The following ENTREP2 variants were observed in gnomAD, a reference collection of about 807,000 sequenced individuals.
ENTREP2 encodes the protein protein ENTREP2.
chr15:29,526,466 T>C, the ENTREP2 span, among the ~76,000 whole-genome samples: 19 of 150,886 alleles, frequency 1.3e-4, no homozygotes, highest in Non-Finnish European at 2.7e-4. Context: ...CTGTACAGAG[T>C]ATTTTCTTTT....
the ENTREP2 span, among the ~76,000 whole-genome samples, chr15:29,393,248 G>C: frequency 6.6e-6 from 1 of 152,200 alleles, no homozygotes; most frequent in Admixed American, 6.5e-5. Context: ...GTGAACTTCT[G>C]TGGAGCCAAG....
At chr15:29,197,626 C>T in the ENTREP2 span, among the ~76,000 whole-genome samples, 4 of 151,918 alleles carry the variant, frequency 2.6e-5, no homozygotes, top group Non-Finnish European at 5.9e-5. Flanking sequence ...ATTAGCTCGG[C>T]GTGGTGCTAT....
chr15:29,129,543 T>G, the ENTREP2 span, among the ~76,000 whole-genome samples: 31 of 152,150 alleles, frequency 2.0e-4, no homozygotes, highest in African/African-American at 7.2e-4. Context: ...AGTCCAGTGG[T>G]GCAATCATAG....
chr15:29,384,715 C>T, the ENTREP2 span, among the ~76,000 whole-genome samples: 4 of 152,132 alleles, frequency 2.6e-5, no homozygotes, highest in Admixed American at 2.6e-4. Context: ...CACCCAACCT[C>T]CGAGACAGCC....
At chr15:29,508,814 C>T in the ENTREP2 span, among the ~76,000 whole-genome samples, 1,103 of 152,178 alleles carry the variant, frequency 7.2e-3, 10 homozygotes, top group African/African-American at 0.023. Context: ...GGGCAAAAGC[C>T]GGAAGCATTC....
At chr15:29,526,804 C>T in the ENTREP2 span, among the ~76,000 whole-genome samples, 32 of 152,136 alleles carry the variant, frequency 2.1e-4, 1 homozygote, top group South Asian at 6.0e-3. Context: ...ACCTTCCCAT[C>T]TTTCCAGTCG....
chr15:29,510,369 T>G, the ENTREP2 span, among the ~76,000 whole-genome samples: 1 of 152,286 alleles, frequency 6.6e-6, no homozygotes, highest in South Asian at 2.1e-4. Flanking sequence ...GAACTAGAAA[T>G]ACTATTTGAA....
the ENTREP2 span, among the ~76,000 whole-genome samples, chr15:29,293,919 C>A: frequency 1.3e-5 from 2 of 152,216 alleles, no homozygotes; most frequent in South Asian, 4.1e-4. Flanking sequence ...GCGCATCCTG[C>A]AGTAACTGTG....
the ENTREP2 span, chr15:29,269,235 G>A: frequency 2.9e-5 from 46 of 1,613,988 alleles, no homozygotes; most frequent in Non-Finnish European, 3.6e-5. Context: ...CAGGCTCCAG[G>A]GTGTTGATGA....
chr15:29,221,901 G>A, the ENTREP2 span, among the ~76,000 whole-genome samples: 4 of 152,092 alleles, frequency 2.6e-5, no homozygotes, highest in Non-Finnish European at 5.9e-5. Flanking sequence ...ATCGACATGA[G>A]GTTCTGTCAA....
the ENTREP2 span, among the ~76,000 whole-genome samples, chr15:29,529,249 GTGT>G: frequency 7.6e-6 from 1 of 131,838 alleles, no homozygotes; most frequent in African/African-American, 2.9e-5. Flanking sequence ...GTGGAGGGGT[GTGT>G]GAGGGTGTGG....
At chr15:29,281,033 G>A in the ENTREP2 span, among the ~76,000 whole-genome samples, 1 of 152,140 alleles carries the variant, frequency 6.6e-6, no homozygotes, top group Non-Finnish European at 1.5e-5. Flanking sequence ...CATTATCCAA[G>A]TGGTTCATAC....
chr15:29,175,464 A>G, the ENTREP2 span, among the ~76,000 whole-genome samples: 2 of 152,220 alleles, frequency 1.3e-5, no homozygotes. Context: ...CTCATGCATG[A>G]ATGCTTAAGG....
chr15:29,505,290 G>C, the ENTREP2 span, among the ~76,000 whole-genome samples: 1 of 152,208 alleles, frequency 6.6e-6, no homozygotes, highest in South Asian at 2.1e-4. This position sits in a 1 kb window ranked among gnomAD's most constrained non-coding sequence, Gnocchi z 4.3. Flanking sequence ...ATCTCCCTTG[G>C]ACAGAGCACC....
chr15:29,497,577 A>G, the ENTREP2 span, among the ~76,000 whole-genome samples: 1 of 152,294 alleles, frequency 6.6e-6, no homozygotes, highest in East Asian at 1.9e-4. Context: ...TTATTGGCAT[A>G]TAAGTGTTTG....
chr15:29,465,553 A>G, the ENTREP2 span, among the ~76,000 whole-genome samples: 933 of 152,294 alleles, frequency 6.1e-3, 11 homozygotes, highest in African/African-American at 0.019. Context: ...AGTAACAGTG[A>G]TGAAAATAAC....
At chr15:29,645,289 A>T in the ENTREP2 span, among the ~76,000 whole-genome samples, 3 of 152,222 alleles carry the variant, frequency 2.0e-5, no homozygotes, top group Non-Finnish European at 2.9e-5. Flanking sequence ...GTGAAAAAAA[A>T]TAGATGTAGA....
At chr15:29,318,006 G>A in the ENTREP2 span, among the ~76,000 whole-genome samples, 1 of 152,100 alleles carries the variant, frequency 6.6e-6, no homozygotes. Context: ...ACCGAAACAT[G>A]GCTCTCACAG....
chr15:29,502,814 C>G, the ENTREP2 span, among the ~76,000 whole-genome samples: 1 of 151,808 alleles, frequency 6.6e-6, no homozygotes, highest in Non-Finnish European at 1.5e-5. Context: ...AGAAGATATA[C>G]AAATGGCCAA....
Sources: gnomAD v4.1 joint callset for allele counts (sites outside exome capture counted in the v4.1 genomes callset) on GRCh38, gnomAD v4.1.1 for gene constraint, Gnocchi (gnomAD v3.1) non-coding constraint, MANE v1.5 for transcripts, NCBI Gene and HGNC (gene_info 2026-07-23, HGNC 2026-07-21) for gene names.